Variants in LARP4B observed in about 807,000 individuals in gnomAD.
The protein encoded by LARP4B is la-related protein 4B.
In LARP4B, 12 loss-of-function variants were observed where a neutral mutation model predicts 89.8. The ratio of observed to expected loss-of-function variants is 0.13; its 90% CI spans 0.09 to 0.22. The LOEUF is 0.22. Among genes scored for constraint, LARP4B ranks in the 10% least tolerant of loss-of-function variants. The pLI, the probability that LARP4B is intolerant of heterozygous loss-of-function variation, is 1.00. For synonymous variants in LARP4B, 367 were observed against 363.3 expected (o/e 1.01, Z -0.12); for missense variants, 757 against 947.7 (o/e 0.80, Z 2.64).
Position 918,141 on chromosome 10 carries a change from T to C in LARP4B, c.-40+13287A>G, listed in dbSNP as rs370490189. ...CAGAAGATTTAACAAGCAATGACAG[T>C]TACATAAATCAGTGACTTGACTGAG... is the stretch of plus-strand genomic sequence containing the variant. On this transcript the variant is annotated intron_variant, in intron 1 of 17. Transcript: ENST00000316157. Among the ~76,000 whole-genome samples, 10 of 152,220 alleles carry C rather than the reference T, an allele frequency of 6.6e-5. No individual in the cohort carries two copies. In the East Asian group the frequency reaches 1.7e-3, roughly 26 times the overall value.
At chr10:940,263 T>C in the LARP4B span, among the ~76,000 whole-genome samples, 7 of 152,276 alleles carry the variant, frequency 4.6e-5, no homozygotes, top group East Asian at 1.3e-3. Context: ...GTAATCCGCC[T>C]GCCTTGGCCT....
chr10:887,781 T>C (rs1835903732), intron 1 of LARP4B, among the ~76,000 whole-genome samples: 1 of 151,932 alleles, frequency 6.6e-6, no homozygotes, highest in African/African-American at 2.4e-5. Flanking sequence ...TCCAGCACTC[T>C]GGGAGGCCGA....
intron 1 of LARP4B, among the ~76,000 whole-genome samples, chr10:915,116 T>C (rs953197629): frequency 2.0e-5 from 3 of 152,146 alleles, no homozygotes; most frequent in Non-Finnish European, 4.4e-5. Flanking sequence ...GGAAATTTTA[T>C]CTTGCATGGT....
At chr10:954,206 A>C in the LARP4B span, among the ~76,000 whole-genome samples, 2 of 152,122 alleles carry the variant, frequency 1.3e-5, no homozygotes, top group African/African-American at 4.8e-5. The surrounding 1 kb of genome is among the most constrained non-coding windows in gnomAD (Gnocchi z 5.0). Context: ...GACCACCTAC[A>C]GCTTCAGCCA....
intron 1 of LARP4B, among the ~76,000 whole-genome samples, chr10:889,068 G>A (rs534663941): frequency 2.0e-4 from 31 of 152,188 alleles, no homozygotes; most frequent in African/African-American, 7.5e-4. Flanking sequence ...CTAGGGAACA[G>A]AATAAGATCC....
rs1488754987 is a variant in LARP4B at position 892,307 on chromosome 10, GC to G, written c.-39-6548del. ...CACATTTTTAACCTCATCTGTCAAA[GC>G]TACAGTCTAAAAAAGAAGTTTTATC... On this transcript the variant is annotated intron_variant, in intron 1 of 17. Coordinates refer to ENST00000316157, the MANE Select transcript of LARP4B (RefSeq NM_015155.3). 3.9e-5 allele frequency among the ~76,000 whole-genome samples: 6 copies of G among 152,298 alleles called. 1 individual carries two copies. In the South Asian group the frequency reaches 1.2e-3, roughly 32 times the overall value.
chr10:884,131 C>T (rs1003487861), intron 3 of LARP4B, among the ~76,000 whole-genome samples: 2 of 152,136 alleles, frequency 1.3e-5, no homozygotes, highest in African/African-American at 2.4e-5. Flanking sequence ...AAATGTAAAG[C>T]TACTCATCCG....
At chr10:840,983 C>T (rs1833494374) in intron 7 of LARP4B, among the ~76,000 whole-genome samples, 1 of 152,088 alleles carries the variant, frequency 6.6e-6, no homozygotes, top group Non-Finnish European at 1.5e-5. Flanking sequence ...AAAACCTCGT[C>T]TCTACTAAAA....
At chr10:970,850 A>C in the LARP4B span, among the ~76,000 whole-genome samples, 2 of 152,188 alleles carry the variant, frequency 1.3e-5, no homozygotes, top group African/African-American at 4.8e-5. Context: ...GAGACTGAGA[A>C]GAGACAGTGG....
intron 14 of LARP4B, chr10:818,289 G>C (rs1318338326): frequency 6.2e-6 from 1 of 160,906 alleles, no homozygotes; most frequent in African/African-American, 2.4e-5. Flanking sequence ...TTTCAGACAA[G>C]TGTTGTGTTA....
the LARP4B span, chr10:942,197 A>G: frequency 6.6e-6 from 1 of 152,196 alleles, no homozygotes; most frequent in African/African-American, 2.4e-5. Flanking sequence ...ATCTAGATTT[A>G]TTACAAGAAG....
At chr10:908,004 A>G (rs1240026634) in intron 1 of LARP4B, among the ~76,000 whole-genome samples, 1 of 152,176 alleles carries the variant, frequency 6.6e-6, no homozygotes, top group Non-Finnish European at 1.5e-5. Context: ...TTAGGAGTTC[A>G]AGACCAGCCT....
chr10:816,347 CAG>C (rs1832055420), intron 15 of LARP4B, among the ~76,000 whole-genome samples: 1 of 152,230 alleles, frequency 6.6e-6, no homozygotes, highest in African/African-American at 2.4e-5. Flanking sequence ...TCCATGTCAA[CAG>C]GGGAAGGGCT....
At chr10:962,280 AGAGT>A in the LARP4B span, among the ~76,000 whole-genome samples, 2 of 149,076 alleles carry the variant, frequency 1.3e-5, no homozygotes, top group African/African-American at 5.0e-5. Context: ...CTGGGCAACA[AGAGT>A]GAAACTCCAT....
intron 5 of LARP4B, among the ~76,000 whole-genome samples, chr10:860,723 A>G (rs944140247): frequency 4.3e-4 from 65 of 152,210 alleles, no homozygotes; most frequent in African/African-American, 1.5e-3. Context: ...CAAAAACAGT[A>G]CACACTGTCA....
chr10:941,560 G>C, the LARP4B span, among the ~76,000 whole-genome samples: 1 of 152,096 alleles, frequency 6.6e-6, no homozygotes, highest in Non-Finnish European at 1.5e-5. Context: ...AACCTCAGGT[G>C]ATCCGCCCGC....
intron 1 of LARP4B, among the ~76,000 whole-genome samples, chr10:930,512 G>A (rs1300696358): frequency 1.3e-5 from 2 of 152,142 alleles, no homozygotes; most frequent in Non-Finnish European, 2.9e-5. Context: ...TTTTAAGAAC[G>A]TTTTACGTAA....
chr10:852,300 TATCATGATCTACA>T (rs1475357253), intron 5 of LARP4B, among the ~76,000 whole-genome samples: 2 of 152,230 alleles, frequency 1.3e-5, no homozygotes, highest in Admixed American at 1.3e-4. Flanking sequence ...AAGTATACTG[TATCATGATCTACA>T]GAGGTTTAGA....
chr10:907,637 T>C (rs1836528943), intron 1 of LARP4B, among the ~76,000 whole-genome samples: 1 of 152,202 alleles, frequency 6.6e-6, no homozygotes, highest in Non-Finnish European at 1.5e-5. Context: ...TCGTGAAATA[T>C]ATATATTTGG....
Sources: allele counts gnomAD v4.1 joint callset (sites outside exome capture counted in the v4.1 genomes callset), GRCh38; gene constraint gnomAD v4.1.1; non-coding constraint Gnocchi (gnomAD v3.1); transcripts MANE v1.5; gene names NCBI Gene and HGNC (gene_info 2026-07-23, HGNC 2026-07-21).